MYO5C: variants seen among roughly 807,000 people sequenced by gnomAD.
MYO5C encodes the protein unconventional myosin-Vc.
A neutral mutation model predicts 235.7 loss-of-function variants in MYO5C; 194 were observed. That is an observed-to-expected ratio of 0.82 (90% CI 0.73 to 0.93). The LOEUF (loss-of-function observed/expected upper bound fraction) is 0.93, where lower values mean the gene tolerates loss of function less well. Among genes scored for constraint, MYO5C ranks in the 40% least tolerant of loss-of-function variants. MYO5C has a pLI of 0.00. For synonymous variants in MYO5C, 707 were observed against 754.8 expected (o/e 0.94, Z 1.04); for missense variants, 2,038 against 2,127.2 (o/e 0.96, Z 0.82).
At chr15:52,247,061 T>G (rs779314347) in intron 15 of MYO5C, 47 bp from the exon 16 acceptor site, 1 of 1,521,152 alleles carries the variant, frequency 6.6e-7, no homozygotes, top group Non-Finnish European at 9.1e-7. Flanking sequence ...AATAATTTAC[T>G]GCTTACATCA....
At chr15:52,238,683 C>T (rs554249097) in intron 21 of MYO5C, among the ~76,000 whole-genome samples, 1 of 152,152 alleles carries the variant, frequency 6.6e-6, no homozygotes, top group Non-Finnish European at 1.5e-5. Context: ...TCTCTGTTGC[C>T]CAGGCTGGAG....
At chr15:52,272,295 G>A (rs941972171) in intron 6 of MYO5C, among the ~76,000 whole-genome samples, 26 of 152,090 alleles carry the variant, frequency 1.7e-4, no homozygotes, top group African/African-American at 4.6e-4. Context: ...AACAGTTTTC[G>A]TACTCTAGAA....
Position 52,272,732 on chromosome 15 carries a change from A to T in MYO5C, c.607-9T>A, listed in dbSNP as rs2036953668. On this transcript the variant is annotated splice_polypyrimidine_tract_variant and intron_variant, in intron 5 of 40. Coordinates refer to ENST00000261839, the MANE Select transcript of MYO5C (RefSeq NM_018728.4). ...TTGGCATTTCCAACGGCCTAAAAAA[A>T]ATAAGACTCTATTGAAATAACAACA... The T allele has an allele frequency of 6.2e-7, 1 of 1,609,648 alleles. No individual in the cohort carries two copies. The highest frequency in any genetic ancestry group is 1.1e-5 in the South Asian group (1 of 89,718).
At chr15:52,279,086 T>A in intron 3 of MYO5C, 69 bp from the exon 4 acceptor site, 1 of 1,483,702 alleles carries the variant, frequency 6.7e-7, no homozygotes, top group Non-Finnish European at 9.2e-7. Context: ...TTTTTTTTTT[T>A]AAGAAACCCC....
chr15:52,197,654 T>C (rs2035082499), intron 38 of MYO5C, among the ~76,000 whole-genome samples: 1 of 152,162 alleles, frequency 6.6e-6, no homozygotes, highest in Non-Finnish European at 1.5e-5. Context: ...ATTTTTGAGA[T>C]GGAGTCTCCC....
In MYO5C at chr15:52,214,740, ATT is replaced by A. The variant is rs34638854; in HGVS notation, c.3955-52_3955-51del. On this transcript the variant is annotated intron_variant, in intron 32 of 40. Coordinates refer to ENST00000261839, the MANE Select transcript of MYO5C (RefSeq NM_018728.4). ...ATTTAGCTTAGAAGCACTTTAATCT[ATT>A]TTTTTTTTTTTTGGGTAACAGCTTT... 4,189 of 968,104 alleles carry A rather than the reference ATT, an allele frequency of 4.3e-3. 1 individual carries two copies. The highest frequency in any genetic ancestry group is 6.7e-3 in the Middle Eastern group (22 of 3,282). The allele number at this position is 968,104 out of a possible 1,614,324, so 60.0% of individuals were successfully genotyped here.
In MYO5C at chr15:52,193,674, C is replaced by T. The variant is rs1396689911; in HGVS notation, c.*228G>A. 4.2e-6 allele frequency: 2 copies of T among 479,918 alleles called. No homozygotes were observed. Among genetic ancestry groups the T allele is most frequent in the Admixed American group, 4.2e-5 (1 of 23,600 alleles). The allele number at this position is 479,918 out of a possible 1,614,324, so 29.7% of individuals were successfully genotyped here. A position where few individuals can be genotyped will look rare whatever the true frequency, so the allele number is the denominator to read the frequency against. On this transcript the variant is annotated 3_prime_UTR_variant, in exon 41 of 41. Coordinates refer to ENST00000261839, the MANE Select transcript of MYO5C (RefSeq NM_018728.4). ...ATTTCAGTGAAAACCAGCTGAGATTCGAGAGTGAGACATGGCTTTTCCAAA... is the reference window on the plus strand; with the variant it reads ...ATTTCAGTGAAAACCAGCTGAGATTTGAGAGTGAGACATGGCTTTTCCAAA...
rs753881939 is a variant in MYO5C at position 52,195,330 on chromosome 15, C to T, written c.5076+47G>A. The T allele has an allele frequency of 4.2e-5, 54 of 1,274,692 alleles. 1 individual carries two copies. Among genetic ancestry groups the T allele is most frequent in the Non-Finnish European group, 5.1e-5 (45 of 885,190 alleles). 79.0% of individuals were successfully genotyped at this position (1,274,692 alleles called of 1,614,324 possible). On this transcript the variant is annotated intron_variant, in intron 40 of 40. Coordinates refer to ENST00000261839, the MANE Select transcript of MYO5C (RefSeq NM_018728.4). Reference sequence around the variant, plus strand: ...GTTAATTAAGTATCAACATCTTATACCATAGTTAGGAAGTAAAATTAAAAG... The same window carrying T: ...GTTAATTAAGTATCAACATCTTATATCATAGTTAGGAAGTAAAATTAAAAG...
rs1013925514 is a variant in MYO5C at position 52,295,644 on chromosome 15, A to AGGGGCC, written c.-14_-9dup. 2 of 1,468,952 alleles carry AGGGGCC rather than the reference A, an allele frequency of 1.4e-6. No individual in the cohort carries two copies. The highest frequency in any genetic ancestry group is 1.8e-6 in the Non-Finnish European group (2 of 1,113,364). 91.0% of individuals were successfully genotyped at this position (1,468,952 alleles called of 1,614,324 possible). A position where few individuals can be genotyped will look rare whatever the true frequency, so the allele number is the denominator to read the frequency against. On this transcript the variant is annotated 5_prime_UTR_variant, in exon 1 of 41. Transcript: ENST00000261839. ...CAGCTCGGCCACCGCCATGGGCAGG[A>AGGGGCC]GGGGCCGGGGCCAGGCCGGGGCTGC... is the stretch of plus-strand genomic sequence containing the variant.
intron 18 of MYO5C, 68 bp from the exon 19 acceptor site, chr15:52,244,635 A>T (rs2036300384): frequency 1.7e-6 from 2 of 1,192,806 alleles, no homozygotes; most frequent in African/African-American, 3.1e-5. Context: ...GTATTTGGAA[A>T]AGAGCTTTAG....
chr15:52,282,186 A>C (rs1290602179), intron 2 of MYO5C, among the ~76,000 whole-genome samples: 1 of 152,124 alleles, frequency 6.6e-6, no homozygotes, highest in African/African-American at 2.4e-5. Context: ...GCACCAACAG[A>C]GGCACCTCAT....
chr15:52,227,495 C>G (rs1252784610), intron 25 of MYO5C, among the ~76,000 whole-genome samples: 6 of 151,960 alleles, frequency 3.9e-5, no homozygotes, highest in African/African-American at 1.5e-4. Context: ...CCGTGCCCAG[C>G]CCCAAGTAAT....
intron 40 of MYO5C, among the ~76,000 whole-genome samples, chr15:52,194,635 CAAAGA>C (rs1315005840): frequency 1.3e-5 from 2 of 151,860 alleles, no homozygotes; most frequent in African/African-American, 4.8e-5. Context: ...GTTTCCAAAA[CAAAGA>C]AAATTTAGTG....
chr15:52,214,786 T>C, intron 32 of MYO5C, 96 bp from the exon 33 acceptor site: 1 of 711,270 alleles, frequency 1.4e-6, no homozygotes, highest in East Asian at 2.8e-5. Context: ...ACAATTTGCA[T>C]ACCGTACAAC....
At chr15:52,284,487 G>A (rs2037221791) in intron 1 of MYO5C, among the ~76,000 whole-genome samples, 1 of 152,206 alleles carries the variant, frequency 6.6e-6, no homozygotes, top group Non-Finnish European at 1.5e-5. Flanking sequence ...GGGATCTTCT[G>A]GGAGTGATGG....
Position 52,267,560 on chromosome 15 carries a change from C to A in MYO5C, c.940+2193G>T, listed in dbSNP as rs981840619. On this transcript the variant is annotated intron_variant, in intron 8 of 40. Transcript: ENST00000261839. Reference sequence around the variant, plus strand: ...AATTAGCTGGGGGCGGTGGCATGTGCCTGTAATCCCAGCTGCTCGGGAGGC... The same window carrying A: ...AATTAGCTGGGGGCGGTGGCATGTGACTGTAATCCCAGCTGCTCGGGAGGC... Among the ~76,000 whole-genome samples the A allele has an allele frequency of 2.0e-5, 3 of 152,162 alleles. No individual in the cohort carries two copies. The South Asian group carries it at 6.2e-4, about 32-fold the overall frequency.
chr15:52,272,474 C>T, intron 6 of MYO5C, 106 bp downstream of exon 6: 1 of 1,093,728 alleles, frequency 9.1e-7, no homozygotes, highest in African/African-American at 1.6e-5. Flanking sequence ...CAAGAAAACC[C>T]TACTCTTCAA....
intron 38 of MYO5C, among the ~76,000 whole-genome samples, chr15:52,198,576 TTTTG>T (rs1192904141): frequency 2.0e-5 from 3 of 151,948 alleles, no homozygotes; most frequent in African/African-American, 7.2e-5. Flanking sequence ...TGTTGTTGCT[TTTTG>T]TTTGTTTTTT....
intron 12 of MYO5C, among the ~76,000 whole-genome samples, chr15:52,252,758 G>C (rs956865759): frequency 2.7e-5 from 4 of 150,096 alleles, no homozygotes; most frequent in Non-Finnish European, 5.9e-5. Flanking sequence ...CTGGGTGATA[G>C]AGCAAGACTC....
Sources: allele counts gnomAD v4.1 joint callset (sites outside exome capture counted in the v4.1 genomes callset), GRCh38; gene constraint gnomAD v4.1.1; transcripts MANE v1.5; gene names NCBI Gene and HGNC (gene_info 2026-07-23, HGNC 2026-07-21).